Variants in SEMA3A observed in about 807,000 individuals in gnomAD.
SEMA3A encodes semaphorin-3A.
SEMA3A carries 29 observed loss-of-function variants against 97.9 expected under a neutral mutation model. The ratio of observed to expected loss-of-function variants is 0.30; its 90% CI spans 0.22 to 0.40. The LOEUF is 0.40. Ranked by LOEUF, SEMA3A falls within the 10% of genes least tolerant of loss-of-function variation. The pLI is 1.00. For synonymous variants in SEMA3A, 321 were observed against 323.7 expected (o/e 0.99, Z 0.09); for missense variants, 763 against 951.3 (o/e 0.80, Z 2.60).
chr7:84,076,624 G>T (rs556955379), intron 4 of SEMA3A, among the ~76,000 whole-genome samples: 1 of 152,096 alleles, frequency 6.6e-6, no homozygotes, highest in South Asian at 2.1e-4. Flanking sequence ...GACAGATAAT[G>T]GTGTATTTAA....
intron 1 of SEMA3A, among the ~76,000 whole-genome samples, chr7:84,374,684 A>G (rs1803055329): frequency 6.6e-6 from 1 of 152,242 alleles, no homozygotes; most frequent in Non-Finnish European, 1.5e-5. Context: ...TTCTTTTAAG[A>G]GAGAAGAGTT....
At chr7:84,009,195 TATC>T (rs1790782885) in intron 9 of SEMA3A, among the ~76,000 whole-genome samples, 2 of 152,326 alleles carry the variant, frequency 1.3e-5, no homozygotes, top group South Asian at 2.1e-4. Context: ...ATCTGAATTT[TATC>T]ATGCTGTCTA....
chr7:84,383,365 G>C (rs1803317831), intron 1 of SEMA3A, among the ~76,000 whole-genome samples: 1 of 152,018 alleles, frequency 6.6e-6, no homozygotes, highest in African/African-American at 2.4e-5. Flanking sequence ...TGAAAACAAA[G>C]TATAAAAACT....
At chr7:84,366,971 A>G (rs1802862090) in intron 2 of SEMA3A, among the ~76,000 whole-genome samples, 1 of 150,906 alleles carries the variant, frequency 6.6e-6, no homozygotes, top group Non-Finnish European at 1.5e-5. Context: ...CATACACTAA[A>G]ATGCCTTTAA....
chr7:84,369,798 G>A (rs1055178393), intron 2 of SEMA3A, among the ~76,000 whole-genome samples: 7 of 148,946 alleles, frequency 4.7e-5, no homozygotes, highest in African/African-American at 1.7e-4. Flanking sequence ...ACATCACATT[G>A]TATTAGTAAT....
chr7:84,337,006 G>A (rs1297125229), intron 2 of SEMA3A, among the ~76,000 whole-genome samples: 3 of 152,036 alleles, frequency 2.0e-5, no homozygotes, highest in South Asian at 2.1e-4. Flanking sequence ...TTGTGGTTAG[G>A]AAGGAATATT....
chr7:84,407,040 G>T lies in SEMA3A; in HGVS notation c.-245-35140C>A, dbSNP rs550494555. On this transcript the variant is annotated intron_variant, in intron 1 of 3. Coordinates refer to the SEMA3A transcript ENST00000424555. ...ACTCCCATTCAACATAGTGTTGGAA[G>T]TTCTGGCCAGGGCAATCAGGCAGGA... Among the ~76,000 whole-genome samples the T allele has an allele frequency of 7.8e-3, 1,183 of 152,258 alleles. 18 individuals are homozygous for T. Among genetic ancestry groups the T allele is most frequent in the African/African-American group, 0.026 (1,090 of 41,544 alleles).
chr7:83,985,545 T>C, intron 12 of SEMA3A, 68 bp from the exon 13 acceptor site: 2 of 1,246,994 alleles, frequency 1.6e-6, no homozygotes, highest in African/African-American at 1.5e-5. Context: ...GTTAATTAAC[T>C]CAAGGCACTG....
intron 1 of SEMA3A, among the ~76,000 whole-genome samples, chr7:84,481,739 C>A (rs1488029097): frequency 6.6e-6 from 1 of 151,864 alleles, no homozygotes; most frequent in Non-Finnish European, 1.5e-5. Flanking sequence ...AAAATGTTAC[C>A]TTTAATAGAA....
chr7:84,143,401 A>G, intron 1 of SEMA3A, among the ~76,000 whole-genome samples: 1 of 152,218 alleles, frequency 6.6e-6, no homozygotes, highest in East Asian at 1.9e-4. Flanking sequence ...TTGATATAAA[A>G]TGCTGAGATC....
intron 1 of SEMA3A, among the ~76,000 whole-genome samples, chr7:84,418,056 G>C (rs777114444): frequency 6.6e-6 from 1 of 152,080 alleles, no homozygotes; most frequent in Non-Finnish European, 1.5e-5. Flanking sequence ...GGGATGCCTA[G>C]GTGGCTGGTA....
chr7:84,119,779 A>G (rs1795547123), intron 3 of SEMA3A, among the ~76,000 whole-genome samples: 1 of 152,152 alleles, frequency 6.6e-6, no homozygotes, highest in Admixed American at 6.6e-5. Flanking sequence ...ACTTGGATCA[A>G]CTTGCTAAAT....
At chr7:84,466,658 A>C (rs1806007071) in intron 1 of SEMA3A, among the ~76,000 whole-genome samples, 1 of 152,204 alleles carries the variant, frequency 6.6e-6, no homozygotes, top group Non-Finnish European at 1.5e-5. Context: ...GATGAACCTG[A>C]CTTACCATCA....
intron 1 of SEMA3A, among the ~76,000 whole-genome samples, chr7:84,392,468 A>T (rs762285414): frequency 1.3e-5 from 2 of 152,176 alleles, no homozygotes; most frequent in African/African-American, 2.4e-5. Flanking sequence ...CTCTTCACCT[A>T]GTGATGGTCA....
chr7:84,101,133 C>A (rs917089), intron 4 of SEMA3A, among the ~76,000 whole-genome samples: 65,406 of 151,938 alleles, frequency 0.43, 15,369 homozygotes, highest in Admixed American at 0.53. Flanking sequence ...TGTATCAGTA[C>A]AAACACATCT....
intron 3 of SEMA3A, among the ~76,000 whole-genome samples, chr7:84,200,672 T>C (rs1038855827): frequency 3.9e-5 from 6 of 152,136 alleles, no homozygotes; most frequent in African/African-American, 1.2e-4. Flanking sequence ...TTGCCATTTC[T>C]ATCTGCTTAA....
intron 4 of SEMA3A, among the ~76,000 whole-genome samples, chr7:84,071,168 G>A (rs2372028): frequency 0.13 from 19,188 of 152,026 alleles, 1,284 homozygotes; most frequent in South Asian, 0.15. Context: ...AATTCCATTC[G>A]TCAGCTTCAT....
chr7:84,423,832 A>G (rs1473271676), intron 1 of SEMA3A, among the ~76,000 whole-genome samples: 1 of 152,050 alleles, frequency 6.6e-6, no homozygotes, highest in Non-Finnish European at 1.5e-5. Flanking sequence ...TTCATCAAAA[A>G]GTGGGCAAAT....
At chr7:83,978,225 C>T (rs544953835) in intron 14 of SEMA3A, among the ~76,000 whole-genome samples, 1 of 152,270 alleles carries the variant, frequency 6.6e-6, no homozygotes, top group African/African-American at 2.4e-5. Context: ...AAGGCCTCCT[C>T]TTGCCAGAGG....
Sources: gnomAD v4.1 joint callset for allele counts (sites outside exome capture counted in the v4.1 genomes callset) on GRCh38, gnomAD v4.1.1 for gene constraint, MANE v1.5 for transcripts, NCBI Gene and HGNC (gene_info 2026-07-23, HGNC 2026-07-21) for gene names.